Variants in KCND2 observed in about 807,000 individuals in gnomAD.
The protein encoded by KCND2 is potassium voltage-gated channel subfamily D member 2.
KCND2 carries 16 observed loss-of-function variants against 54.4 expected under a neutral mutation model. The ratio of observed to expected loss-of-function variants is 0.29; its 90% CI spans 0.20 to 0.45. The LOEUF (loss-of-function observed/expected upper bound fraction) is 0.45. Ranked by LOEUF, KCND2 falls within the 20% of genes least tolerant of loss-of-function variation. KCND2 has a pLI of 1.00. For synonymous variants in KCND2, 317 were observed against 310.7 expected (o/e 1.02, Z -0.21); for missense variants, 486 against 824.2 (o/e 0.59, Z 5.02).
chr7:120,327,496 T>C (rs952299282), intron 1 of KCND2, among the ~76,000 whole-genome samples: 12 of 152,108 alleles, frequency 7.9e-5, no homozygotes, highest in Non-Finnish European at 8.8e-5. Flanking sequence ...GGAGTATTCA[T>C]TATTTCAACA....
intron 1 of KCND2, among the ~76,000 whole-genome samples, chr7:120,576,223 A>T (rs1335876206): frequency 6.6e-6 from 1 of 152,238 alleles, no homozygotes. Context: ...AGTAGCAAAG[A>T]TGAAAAATTT....
chr7:120,432,539 A>C (rs1302767521), intron 1 of KCND2, among the ~76,000 whole-genome samples: 1 of 152,224 alleles, frequency 6.6e-6, no homozygotes, highest in Non-Finnish European at 1.5e-5. Context: ...CATTTTCTGA[A>C]CGTAACTTAA....
chr7:120,491,785 G>A (rs1374428191), intron 1 of KCND2, among the ~76,000 whole-genome samples: 1 of 151,824 alleles, frequency 6.6e-6, no homozygotes, highest in East Asian at 1.9e-4. Context: ...TGGGAAGTTT[G>A]AAAGTGTTAC....
chr7:120,630,287 T>C (rs1477884355), intron 1 of KCND2, among the ~76,000 whole-genome samples: 1 of 152,214 alleles, frequency 6.6e-6, no homozygotes, highest in Non-Finnish European at 1.5e-5. Context: ...ACCGAGGCAC[T>C]ATAGTATCCT....
chr7:120,320,416 G>A lies in KCND2; in HGVS notation c.1115+44669G>A, dbSNP rs141782541. Among the ~76,000 whole-genome samples the A allele has an allele frequency of 5.3e-5, 8 of 152,208 alleles. No individual in the cohort carries two copies. The East Asian group carries it at 1.2e-3, about 22-fold the overall frequency. On this transcript the variant is annotated intron_variant, in intron 1 of 5. Coordinates refer to ENST00000331113, the MANE Select transcript of KCND2 (RefSeq NM_012281.3). ...TGAAACCTGTAAGTGTGAGAATTTG[G>A]TATGTCTAAGGAATGGCAAGTGGTT...
At chr7:120,309,450 AAC>A (rs1563004411) in intron 1 of KCND2, among the ~76,000 whole-genome samples, 4 of 28,280 alleles carry the variant, frequency 1.4e-4, no homozygotes, top group Non-Finnish European at 1.1e-4. Context: ...TATAATAGAA[AAC>A]ATATATATAT....
intron 1 of KCND2, among the ~76,000 whole-genome samples, chr7:120,444,485 A>G (rs1345759682): frequency 6.6e-6 from 1 of 152,072 alleles, no homozygotes; most frequent in Non-Finnish European, 1.5e-5. Flanking sequence ...ATCAACATCT[A>G]TATCTGATCT....
chr7:120,486,990 T>C (rs893016124), intron 1 of KCND2, among the ~76,000 whole-genome samples: 1 of 152,096 alleles, frequency 6.6e-6, no homozygotes, highest in African/African-American at 2.4e-5. Context: ...ATAAGCAAAT[T>C]GGAACTATAA....
Position 120,621,941 on chromosome 7 carries a change from A to G in KCND2, c.1116-110962A>G, listed in dbSNP as rs889336337. 2.6e-5 allele frequency among the ~76,000 whole-genome samples: 4 copies of G among 151,978 alleles called. No individual in the cohort carries two copies. In the South Asian group the frequency reaches 6.2e-4, roughly 24 times the overall value. On this transcript the variant is annotated intron_variant, in intron 1 of 5. Coordinates refer to ENST00000331113, the MANE Select transcript of KCND2 (RefSeq NM_012281.3). Reference sequence around the variant, plus strand: ...CCCTGATAGGTCTGTGAAGAATGGCATTCAACTATATAAAAAAGAAGGTTT... The same window carrying G: ...CCCTGATAGGTCTGTGAAGAATGGCGTTCAACTATATAAAAAAGAAGGTTT...
chr7:120,297,638 C>T (rs1336508426), intron 1 of KCND2, among the ~76,000 whole-genome samples: 1 of 152,022 alleles, frequency 6.6e-6, no homozygotes, highest in Non-Finnish European at 1.5e-5. Flanking sequence ...TTCTCTGCAT[C>T]ATTATTATTT....
At chr7:120,355,890 C>T (rs1800497121) in intron 1 of KCND2, among the ~76,000 whole-genome samples, 1 of 152,064 alleles carries the variant, frequency 6.6e-6, no homozygotes, top group Non-Finnish European at 1.5e-5. Flanking sequence ...CTAAATCTTC[C>T]ATGTAAATTC....
chr7:120,736,657 CA>C (rs1190201704), intron 2 of KCND2, among the ~76,000 whole-genome samples: 20 of 151,684 alleles, frequency 1.3e-4, no homozygotes, highest in African/African-American at 4.6e-4. Context: ...ATACTAATTG[CA>C]ACAACAAAAA....
intron 1 of KCND2, among the ~76,000 whole-genome samples, chr7:120,594,902 C>T (rs529526107): frequency 2.0e-5 from 3 of 151,964 alleles, no homozygotes; most frequent in Admixed American, 6.6e-5. Context: ...TGCCTCTAAT[C>T]CTAGCTACTC....
chr7:120,406,049 C>A (rs1190698822), intron 1 of KCND2, among the ~76,000 whole-genome samples: 1 of 151,900 alleles, frequency 6.6e-6, no homozygotes, highest in Non-Finnish European at 1.5e-5. Context: ...TATAAAGGAA[C>A]TACTTTAGAA....
chr7:120,718,677 A>G (rs2116096195), intron 1 of KCND2, among the ~76,000 whole-genome samples: 1 of 152,320 alleles, frequency 6.6e-6, no homozygotes, highest in East Asian at 1.9e-4. Context: ...GGCACTCTAA[A>G]GACATTATTT....
At chr7:120,329,519 A>C (rs1450050786) in intron 1 of KCND2, among the ~76,000 whole-genome samples, 1 of 152,116 alleles carries the variant, frequency 6.6e-6, no homozygotes, top group Non-Finnish European at 1.5e-5. Context: ...TAAAATGATA[A>C]ATTTAATACA....
chr7:120,438,480 C>A (rs1801901299), intron 1 of KCND2, among the ~76,000 whole-genome samples: 1 of 151,948 alleles, frequency 6.6e-6, no homozygotes, highest in Non-Finnish European at 1.5e-5. Flanking sequence ...AATGGTTACA[C>A]TAGAGAAATA....
Position 120,672,989 on chromosome 7 carries a change from AAGAG to A in KCND2, c.1116-59896_1116-59893del, listed in dbSNP as rs200109871. The A allele has an allele frequency of 8.4e-3, 1,243 of 148,032 alleles. 44 individuals carry two copies. The East Asian group carries it at 0.13, about 16-fold the overall frequency. The allele number at this position is 148,032 out of a possible 1,614,324, so 9.2% of individuals were successfully genotyped here. The stretch of plus-strand genomic sequence containing the variant: ...TCTCATATTAAAAGACAGAGAAAGA[AAGAG>A]AGAGAGAGAGAGAGAGAAGTTTGAA... On this transcript the variant is annotated intron_variant, in intron 1 of 5. Transcript: ENST00000331113.
intron 1 of KCND2, among the ~76,000 whole-genome samples, chr7:120,554,678 G>A (rs1438107080): frequency 6.6e-6 from 1 of 152,146 alleles, no homozygotes; most frequent in Admixed American, 6.5e-5. Flanking sequence ...AAAGTGCTGG[G>A]ATTACAGGCG....
Sources: allele counts gnomAD v4.1 joint callset (sites outside exome capture counted in the v4.1 genomes callset), GRCh38; gene constraint gnomAD v4.1.1; transcripts MANE v1.5; gene names NCBI Gene and HGNC (gene_info 2026-07-23, HGNC 2026-07-21).